Variants in THRB observed in about 807,000 individuals in gnomAD.
THRB encodes the protein nuclear receptor subfamily 1 group A member 2.
Under a neutral mutation model 47.8 loss-of-function variants are expected in THRB, and 12 were observed. The observed-to-expected ratio is 0.25, with a 90% CI of 0.16 to 0.41. The LOEUF (loss-of-function observed/expected upper bound fraction) is 0.41. Ranked by LOEUF, THRB falls within the 10% of genes least tolerant of loss-of-function variation. The probability of loss-of-function intolerance (pLI) is 1.00; values close to 1 mark genes in which losing one functional copy is unlikely to be tolerated. For synonymous variants in THRB, 218 were observed against 212.2 expected (o/e 1.03, Z -0.24); for missense variants, 348 against 589.2 (o/e 0.59, Z 4.24).
At chr3:24,193,967 AT>A (rs2043660027) in intron 4 of THRB, among the ~76,000 whole-genome samples, 1 of 152,272 alleles carries the variant, frequency 6.6e-6, no homozygotes, top group Admixed American at 6.5e-5. Flanking sequence ...AAATAATGAC[AT>A]TCATAGCAAC....
chr3:24,217,555 CAAA>C (rs67221503), intron 4 of THRB, among the ~76,000 whole-genome samples: 2 of 126,524 alleles, frequency 1.6e-5, no homozygotes, highest in African/African-American at 5.8e-5. Context: ...AGGATCTTGG[CAAA>C]AAAAAAAAAT....
intron 3 of THRB, among the ~76,000 whole-genome samples, chr3:24,245,099 A>C (rs1206496443): frequency 6.6e-6 from 1 of 151,986 alleles, no homozygotes; most frequent in Non-Finnish European, 1.5e-5. Context: ...ATATGAGAAG[A>C]CTCTTGGGGA....
At chr3:24,260,770 C>A (rs2051877627) in intron 3 of THRB, among the ~76,000 whole-genome samples, 2 of 152,208 alleles carry the variant, frequency 1.3e-5, no homozygotes, top group Admixed American at 1.3e-4. Context: ...CAGCTATGTC[C>A]TGTCTTCCTA....
chr3:24,275,266 A>C (rs371722666), intron 3 of THRB, among the ~76,000 whole-genome samples: 2 of 152,218 alleles, frequency 1.3e-5, no homozygotes, highest in Non-Finnish European at 1.5e-5. Context: ...AGTTTTAAAA[A>C]AATGCTCTGT....
intron 3 of THRB, among the ~76,000 whole-genome samples, chr3:24,271,662 T>C (rs1228410577): frequency 1.3e-5 from 2 of 152,208 alleles, no homozygotes; most frequent in Non-Finnish European, 2.9e-5. Context: ...GTAATAACTT[T>C]TTAGCTTAAA....
chr3:24,343,942 T>G (rs2062845192), intron 1 of THRB, among the ~76,000 whole-genome samples: 1 of 146,724 alleles, frequency 6.8e-6, no homozygotes, highest in Admixed American at 6.8e-5. Flanking sequence ...TATTTATATA[T>G]TATATATTAT....
chr3:24,408,750 G>A (rs1303934532), intron 1 of THRB, among the ~76,000 whole-genome samples: 2 of 151,640 alleles, frequency 1.3e-5, no homozygotes, highest in Admixed American at 1.3e-4. Flanking sequence ...TGTGTCTGCT[G>A]GAGTCACAAT....
chr3:24,117,610 T>C lies in THRB; in HGVS notation c.*5274A>G, dbSNP rs1306751944. 2 of 152,244 alleles carry C rather than the reference T, an allele frequency of 1.3e-5. No homozygotes were observed. Among genetic ancestry groups the C allele is most frequent in the Non-Finnish European group, 2.9e-5 (2 of 68,052 alleles). 9.4% of individuals were successfully genotyped at this position (152,244 alleles called of 1,614,324 possible). A position where few individuals can be genotyped will look rare whatever the true frequency, so the allele number is the denominator to read the frequency against. The stretch of plus-strand genomic sequence containing the variant: ...AGCTGTAAAGCTCATCCTGGAGCTA[T>C]TGGAGGCCACCGTAAGGTGAAAGGC... On this transcript the variant is annotated 3_prime_UTR_variant, in exon 11 of 11. Coordinates refer to ENST00000646209, the MANE Select transcript of THRB (RefSeq NM_001354712.2).
At chr3:24,475,767 ACAC>A (rs1228729999) in intron 1 of THRB, among the ~76,000 whole-genome samples, 1 of 152,236 alleles carries the variant, frequency 6.6e-6, no homozygotes, top group Non-Finnish European at 1.5e-5. Context: ...AAGAATATGA[ACAC>A]CATCAACTGT....
chr3:24,251,051 A>G lies in THRB; in HGVS notation c.-42-22050T>C, dbSNP rs1373538214. 3.3e-5 allele frequency among the ~76,000 whole-genome samples: 5 copies of G among 152,206 alleles called. No individual in the cohort carries two copies. In the East Asian group the frequency reaches 9.6e-4, roughly 29 times the overall value. On this transcript the variant is annotated intron_variant, in intron 3 of 10. Coordinates refer to ENST00000646209, the MANE Select transcript of THRB (RefSeq NM_001354712.2). ...AAAAGAAAGAAAATCAGACACATAAAAAAAGAAAAACTGCAATTACCTGGA... is the reference window on the plus strand; with the variant it reads ...AAAAGAAAGAAAATCAGACACATAAGAAAAGAAAAACTGCAATTACCTGGA...
At chr3:24,480,290 G>A (rs536253665) in intron 1 of THRB, among the ~76,000 whole-genome samples, 5 of 152,246 alleles carry the variant, frequency 3.3e-5, no homozygotes, top group African/African-American at 1.2e-4. Context: ...GAGCTCTCTG[G>A]GTCCACAGTA....
chr3:24,183,160 CTTCA>C (rs1335211160), intron 5 of THRB, among the ~76,000 whole-genome samples: 3 of 151,816 alleles, frequency 2.0e-5, no homozygotes, highest in Non-Finnish European at 4.4e-5. Context: ...TTTGGCGTCC[CTTCA>C]TTTATTTTTA....
intron 4 of THRB, among the ~76,000 whole-genome samples, chr3:24,191,899 A>G (rs1429136661): frequency 1.3e-5 from 2 of 152,238 alleles, no homozygotes; most frequent in Non-Finnish European, 2.9e-5. Context: ...CCAGTAAGCA[A>G]TAAGTCTCCT....
At chr3:24,452,104 G>C (rs530148282) in intron 1 of THRB, among the ~76,000 whole-genome samples, 3 of 152,324 alleles carry the variant, frequency 2.0e-5, no homozygotes, top group Non-Finnish European at 4.4e-5. Context: ...AGTCTTGGGG[G>C]CTGGGGAGTA....
chr3:24,210,975 G>C (rs115533138), intron 4 of THRB, among the ~76,000 whole-genome samples: 4,524 of 152,124 alleles, frequency 0.03, 202 homozygotes, highest in African/African-American at 0.099. Context: ...GAAGCGGGTG[G>C]AATACCTGAG....
At chr3:24,276,400 C>A (rs1439722895) in intron 3 of THRB, among the ~76,000 whole-genome samples, 1 of 152,174 alleles carries the variant, frequency 6.6e-6, no homozygotes, top group East Asian at 1.9e-4. Flanking sequence ...TGATTATTAG[C>A]AGCCTGAGCT....
intron 1 of THRB, among the ~76,000 whole-genome samples, chr3:24,423,298 A>G (rs1219668837): frequency 1.3e-5 from 2 of 151,898 alleles, no homozygotes; most frequent in Non-Finnish European, 2.9e-5. Context: ...TTATATAACA[A>G]TAGATAACTG....
At chr3:24,157,472 C>A (rs1340671456) in intron 5 of THRB, among the ~76,000 whole-genome samples, 1 of 152,138 alleles carries the variant, frequency 6.6e-6, no homozygotes, top group Non-Finnish European at 1.5e-5. Context: ...AGTTTTGGAT[C>A]ATTTCTTCTG....
rs754962767 is a variant in THRB, at chr3:24,428,035, T to C, written c.-261+66617A>G. Among the ~76,000 whole-genome samples the C allele has an allele frequency of 2.4e-4, 37 of 152,200 alleles. No individual in the cohort carries two copies. The Middle Eastern group carries it at 0.017, about 70-fold the overall frequency. ...GAAGCAATGCATTTTCCAAGAAGCA[T>C]ATTCCATGTTTTCACCACTAATGGT... On this transcript the variant is annotated intron_variant, in intron 1 of 10. Transcript: ENST00000646209.
Sources: allele counts gnomAD v4.1 joint callset (sites outside exome capture counted in the v4.1 genomes callset), GRCh38; gene constraint gnomAD v4.1.1; transcripts MANE v1.5; gene names NCBI Gene and HGNC (gene_info 2026-07-23, HGNC 2026-07-21).